The following STPG2 variants were observed in gnomAD, a reference collection of about 807,000 sequenced individuals.
The protein encoded by STPG2 is sperm-tail PG-rich repeat-containing protein 2.
STPG2 carries 56 observed loss-of-function variants against 54.2 expected under a neutral mutation model. The ratio of observed to expected loss-of-function variants is 1.03; its 90% confidence interval spans 0.83 to 1.29. The LOEUF is 1.29. Ranked by LOEUF, STPG2 falls within the 50% of genes most tolerant of loss-of-function variation. The pLI is 0.00. For missense variants in STPG2, 596 were observed against 544.9 expected, an observed-to-expected ratio of 1.09 and a Z score of -0.93; for synonymous variants, 200 against 181.8, an observed-to-expected ratio of 1.10 and a Z score of -0.81.
chr4:97,468,651 T>C (rs2148813392), intron 4 of STPG2, among the ~76,000 whole-genome samples: 1 of 152,128 alleles, frequency 6.6e-6, no homozygotes, highest in Middle Eastern at 3.4e-3. Context: ...GAGGTGGTCA[T>C]TGTAAATAGA....
chr4:97,998,458 G>A lies in STPG2; in HGVS notation c.613-17140C>T, dbSNP rs140052242. On this transcript the variant is annotated intron_variant, in intron 5 of 10. Transcript: ENST00000295268. The stretch of plus-strand genomic sequence containing the variant: ...CCAAATGAGTCACCCCAGCTGATAC[G>A]ACATGGACTAGAAATACTACATGCA... Among the ~76,000 whole-genome samples, 300 of 152,120 alleles carry A rather than the reference G, an allele frequency of 2.0e-3. 1 individual carries two copies. Among genetic ancestry groups the A allele is most frequent in the African/African-American group, 6.7e-3 (279 of 41,488 alleles).
At chr4:98,022,018 T>C (rs1301484437) in intron 5 of STPG2, among the ~76,000 whole-genome samples, 1 of 151,648 alleles carries the variant, frequency 6.6e-6, no homozygotes, top group African/African-American at 2.4e-5. Context: ...CCCATTTACA[T>C]TTAAAGTTAA....
At chr4:97,445,313 C>T (rs561593035) in intron 4 of STPG2, among the ~76,000 whole-genome samples, 53 of 152,216 alleles carry the variant, frequency 3.5e-4, no homozygotes, top group African/African-American at 1.1e-3. Flanking sequence ...TTATTGTACA[C>T]ATTGTTTTTC....
At chr4:97,734,820 C>A (rs1179410218) in intron 9 of STPG2, among the ~76,000 whole-genome samples, 3 of 151,974 alleles carry the variant, frequency 2.0e-5, no homozygotes, top group Non-Finnish European at 2.9e-5. Flanking sequence ...TGCCTGTAAT[C>A]CTAGCACTTT....
chr4:97,736,082 C>A (rs201334630), intron 9 of STPG2, among the ~76,000 whole-genome samples: 1 of 152,138 alleles, frequency 6.6e-6, no homozygotes, highest in Non-Finnish European at 1.5e-5. Flanking sequence ...CCCTTATACA[C>A]TGTTGGTGGA....
chr4:97,765,425 G>T (rs1283518506), intron 9 of STPG2, among the ~76,000 whole-genome samples: 1 of 152,072 alleles, frequency 6.6e-6, no homozygotes, highest in Non-Finnish European at 1.5e-5. Flanking sequence ...CCAGTGGGAG[G>T]TTTATATTTT....
At chr4:97,448,864 C>T (rs1441459587) in intron 4 of STPG2, among the ~76,000 whole-genome samples, 1 of 151,982 alleles carries the variant, frequency 6.6e-6, no homozygotes. Context: ...CTCTTCAGAA[C>T]AGTATGCCTT....
At chr4:97,926,741 T>C in intron 8 of STPG2, among the ~76,000 whole-genome samples, 1 of 152,226 alleles carries the variant, frequency 6.6e-6, no homozygotes, top group Non-Finnish European at 1.5e-5. Context: ...TAACATGTTC[T>C]TCATTAATAT....
intron 5 of STPG2, among the ~76,000 whole-genome samples, chr4:98,104,090 C>A (rs1416584293): frequency 1.3e-5 from 2 of 152,142 alleles, no homozygotes; most frequent in African/African-American, 4.8e-5. Flanking sequence ...TTTAAATCAT[C>A]CCTGCCTTTT....
chr4:97,840,962 A>G (rs1313339214), intron 8 of STPG2, 30 bp from the exon 9 acceptor site: 1 of 1,604,724 alleles, frequency 6.2e-7, no homozygotes, highest in South Asian at 1.1e-5. Flanking sequence ...ATGAGCATAA[A>G]TATATCTTAT....
intron 8 of STPG2, among the ~76,000 whole-genome samples, chr4:97,895,595 A>G (rs2149179489): frequency 6.6e-6 from 1 of 151,928 alleles, no homozygotes; most frequent in Admixed American, 6.6e-5. Context: ...CAGAATTTTT[A>G]ATAAATCCTA....
intron 10 of STPG2, among the ~76,000 whole-genome samples, chr4:97,569,669 T>A (rs1205157315): frequency 2.0e-5 from 3 of 152,148 alleles, no homozygotes; most frequent in Non-Finnish European, 4.4e-5. Flanking sequence ...GCTAATAATA[T>A]AATTGAAATT....
chr4:97,537,795 A>G (rs1731574027), intron 4 of STPG2, among the ~76,000 whole-genome samples: 1 of 152,150 alleles, frequency 6.6e-6, no homozygotes, highest in Non-Finnish European at 1.5e-5. Flanking sequence ...GGCACCCCCT[A>G]GTAGGGGCAG....
intron 4 of STPG2, among the ~76,000 whole-genome samples, chr4:97,550,661 C>G (rs189801965): frequency 6.6e-6 from 1 of 152,176 alleles, no homozygotes; most frequent in African/African-American, 2.4e-5. Context: ...AAGAATGAAG[C>G]TGCGGACCCT....
downstream of STPG2, among the ~76,000 whole-genome samples, chr4:97,554,396 G>A (rs1469109922): frequency 2.0e-5 from 3 of 152,142 alleles, no homozygotes; most frequent in Non-Finnish European, 4.4e-5. Context: ...GAGAGAGGCT[G>A]GAAAATAGGA....
At chr4:98,059,378 C>A (rs950779089) in intron 5 of STPG2, among the ~76,000 whole-genome samples, 1 of 151,872 alleles carries the variant, frequency 6.6e-6, no homozygotes, top group Non-Finnish European at 1.5e-5. Context: ...CCTGAACAGA[C>A]TGAAAATGAG....
At chr4:97,645,385 G>C (rs745777010) in intron 10 of STPG2, among the ~76,000 whole-genome samples, 5 of 151,820 alleles carry the variant, frequency 3.3e-5, no homozygotes, top group Non-Finnish European at 7.4e-5. Context: ...AGGACGTGAA[G>C]CTGGAATTTT....
chr4:98,073,792 G>C (rs890584743), intron 5 of STPG2, among the ~76,000 whole-genome samples: 1 of 152,076 alleles, frequency 6.6e-6, no homozygotes, highest in Non-Finnish European at 1.5e-5. Flanking sequence ...ATTTGGCACT[G>C]CATATTTTAA....
rs76740552 is a variant in STPG2 at position 97,981,252 on chromosome 4, T to C, written c.679A>G (p.Lys227Glu). Residue 227 changes from lysine to glutamate, a missense_variant, in exon 6 of 11, where the codon AAG becomes GAG. Transcript: ENST00000295268. The part of the protein sequence containing the change: ...GTYNEPRTAL[K>E]SLKKTSGLKN... Reference sequence around the variant, plus strand: ...AGTCCTGATGTTTTCTTCAAAGACTTGAGAGCAGTTCGAGGTTCATTATAT... The same window carrying C: ...AGTCCTGATGTTTTCTTCAAAGACTCGAGAGCAGTTCGAGGTTCATTATAT... 1.2e-3 allele frequency: 1,979 copies of C among 1,614,002 alleles called. 19 individuals are homozygous for C. In the African/African-American group the frequency reaches 0.021, roughly 17 times the overall value.
Sources: gnomAD v4.1 joint callset for allele counts (sites outside exome capture counted in the v4.1 genomes callset) on GRCh38, gnomAD v4.1.1 for gene constraint, MANE v1.5 for transcripts, NCBI Gene and HGNC (gene_info 2026-07-23, HGNC 2026-07-21) for gene names.